The following SH2D1B variants were observed in gnomAD, a reference collection of about 807,000 sequenced individuals.
SH2D1B encodes SH2 domain containing 1B.
Under a neutral mutation model 16.3 loss-of-function variants are expected in SH2D1B, and 11 were observed. The observed-to-expected ratio is 0.67, with a 90% CI of 0.42 to 1.11. The LOEUF is 1.11. Ranked by LOEUF, SH2D1B falls within the 50% of genes most tolerant of loss-of-function variation. SH2D1B has a pLI of 0.00. For synonymous variants in SH2D1B, 55 were observed against 56.1 expected (o/e 0.98, Z 0.09); for missense variants, 123 against 153.1 (o/e 0.80, Z 1.04).
At position 162,399,012 on chromosome 1, in the gene SH2D1B, C is replaced by T. The variant is rs777560085; in HGVS notation, c.274G>A (p.Gly92Arg). Residue 92 changes from glycine (G) to arginine (R), a missense_variant, in exon 3 of 4, where the codon GGG (glycine) becomes AGG (arginine). Physicochemically the swap from Gly to Arg is moderately radical, Grantham distance 125 (BLOSUM62 -2). Transcript: ENST00000367929. Reference sequence around the variant, plus strand: ...GGCTTTAAAAGGTGAACCACCATCCCCTGATTTGGTTTTTCAAATTTGGAG... The same window carrying T: ...GGCTTTAAAAGGTGAACCACCATCCTCTGATTTGGTTTTTCAAATTTGGAG... ...LISKFEKPNQ[G>R]MVVHLLKPIK... 21 of 1,613,870 alleles carry T rather than the reference C, an allele frequency of 1.3e-5. No individual in the cohort carries two copies. The highest frequency in any genetic ancestry group is 1.8e-5 in the Non-Finnish European group (21 of 1,179,946).
chr1:162,409,243 C>T (rs1479157218), intron 1 of SH2D1B, among the ~76,000 whole-genome samples: 1 of 152,144 alleles, frequency 6.6e-6, no homozygotes, highest in South Asian at 2.1e-4. Flanking sequence ...ACTAGCTCTT[C>T]ACCGTCTCCC....
In SH2D1B at chr1:162,396,504, C is replaced by T. The variant is rs1648381260; in HGVS notation, c.*776G>A. Reference sequence around the variant, plus strand: ...AACCTAGTTGGGAACAGAAATCACACATAGAATATTTTAGAAATCTCCACA... The same window carrying T: ...AACCTAGTTGGGAACAGAAATCACATATAGAATATTTTAGAAATCTCCACA... On this transcript the variant is annotated 3_prime_UTR_variant, in exon 4 of 4. Transcript: ENST00000367929. 6.6e-6 allele frequency: 1 copy of T among 152,206 alleles called. No homozygotes were observed. Among genetic ancestry groups the T allele is most frequent in the East Asian group, 1.9e-4 (1 of 5,196 alleles). 9.4% of individuals were successfully genotyped at this position (152,206 alleles called of 1,614,324 possible).
chr1:162,397,915 T>TG (rs1409709711), intron 3 of SH2D1B, among the ~76,000 whole-genome samples: 1 of 149,966 alleles, frequency 6.7e-6, no homozygotes, highest in South Asian at 2.1e-4. Context: ...TCTATAAATT[T>TG]GGGGGGGAAA....
Position 162,397,086 on chromosome 1 carries a change from T to C in SH2D1B, c.*194A>G. The C allele has an allele frequency of 3.4e-6, 2 of 583,474 alleles. No individual in the cohort carries two copies. Among genetic ancestry groups the C allele is most frequent in the Non-Finnish European group, 6.1e-6 (2 of 325,968 alleles). The allele number at this position is 583,474 out of a possible 1,614,324, so 36.1% of individuals were successfully genotyped here. A position where few individuals can be genotyped will look rare whatever the true frequency, so the allele number is the denominator to read the frequency against. ...CTGGAGAGGGTTTTGAAATTGCTCC[T>C]GGTATATGTCTGGGAGGCGGGGATG... On this transcript the variant is annotated 3_prime_UTR_variant, in exon 4 of 4. Coordinates refer to ENST00000367929, the MANE Select transcript of SH2D1B (RefSeq NM_053282.5).
At chr1:162,400,142 A>G (rs962499317) in intron 2 of SH2D1B, among the ~76,000 whole-genome samples, 6 of 152,202 alleles carry the variant, frequency 3.9e-5, no homozygotes, top group African/African-American at 9.7e-5. Flanking sequence ...AAAATACACA[A>G]TTTGTATACT....
At chr1:162,402,030 C>T (rs1648528200) in intron 2 of SH2D1B, among the ~76,000 whole-genome samples, 1 of 152,216 alleles carries the variant, frequency 6.6e-6, no homozygotes, top group African/African-American at 2.4e-5. Context: ...ATGCTTCCCA[C>T]TATATTTTCG....
At chr1:162,403,502 AAAAAAAAAAATATATATATAT>A (rs1166528885) in intron 1 of SH2D1B, among the ~76,000 whole-genome samples, 5,260 of 44,256 alleles carry the variant, frequency 0.12, 265 homozygotes, top group Non-Finnish European at 0.18. Flanking sequence ...AAAAAAAAAA[AAAAAAAAAAATATATATATAT>A]ATATATATAT....
At chr1:162,403,889 A>T (rs1268827510) in intron 1 of SH2D1B, among the ~76,000 whole-genome samples, 2 of 152,126 alleles carry the variant, frequency 1.3e-5, no homozygotes, top group Non-Finnish European at 2.9e-5. Context: ...ATCTAAAAAA[A>T]GTTGATATCA....
intron 1 of SH2D1B, among the ~76,000 whole-genome samples, chr1:162,403,511 A>AAAT (rs1648579325): frequency 4.8e-5 from 2 of 42,040 alleles, no homozygotes; most frequent in African/African-American, 2.1e-4. Context: ...AAAAAAAAAA[A>AAAT]ATATATATAT....
At chr1:162,407,038 G>A (rs1648666716) in intron 1 of SH2D1B, among the ~76,000 whole-genome samples, 1 of 152,154 alleles carries the variant, frequency 6.6e-6, no homozygotes, top group South Asian at 2.1e-4. Flanking sequence ...TAGCTTTCTG[G>A]TTAGTGCCAT....
chr1:162,410,656 CTTTTTTT>C (rs66614229), intron 1 of SH2D1B, among the ~76,000 whole-genome samples: 8 of 129,980 alleles, frequency 6.2e-5, no homozygotes, highest in African/African-American at 2.0e-4. Context: ...TTTTCTTTTT[CTTTTTTT>C]TTTTTTTTTT....
intron 2 of SH2D1B, among the ~76,000 whole-genome samples, chr1:162,402,152 T>C (rs1053056228): frequency 1.3e-5 from 2 of 152,156 alleles, no homozygotes; most frequent in Non-Finnish European, 2.9e-5. Flanking sequence ...GAGGTTTTGC[T>C]TGGAGTCCAG....
At chr1:162,410,304 T>C (rs1648763123) in intron 1 of SH2D1B, among the ~76,000 whole-genome samples, 1 of 152,178 alleles carries the variant, frequency 6.6e-6, no homozygotes, top group Non-Finnish European at 1.5e-5. Flanking sequence ...TGGCCATAAA[T>C]TCCCACTTGT....
At chr1:162,410,320 C>T (rs1648763405) in intron 1 of SH2D1B, among the ~76,000 whole-genome samples, 1 of 152,202 alleles carries the variant, frequency 6.6e-6, no homozygotes, top group South Asian at 2.1e-4. Flanking sequence ...CTTGTCCATG[C>T]TGGATTCAGA....
In SH2D1B at chr1:162,396,805, G is replaced by A. The variant is rs959596765; in HGVS notation, c.*475C>T. 6.2e-6 allele frequency: 1 copy of A among 160,200 alleles called. No homozygotes were observed. The highest frequency in any genetic ancestry group is 1.4e-5 in the Non-Finnish European group (1 of 73,158). The allele number at this position is 160,200 out of a possible 1,614,324, so 9.9% of individuals were successfully genotyped here. Reference sequence around the variant, plus strand: ...GGCTCAACAGAGAGACTGGGGCAATGTTTATCATCCCACCCAACCACAGAG... The same window carrying A: ...GGCTCAACAGAGAGACTGGGGCAATATTTATCATCCCACCCAACCACAGAG... On this transcript the variant is annotated 3_prime_UTR_variant, in exon 4 of 4. Transcript: ENST00000367929.
At position 162,396,628 on chromosome 1, in the gene SH2D1B, A is replaced by C. The variant is rs996571035; in HGVS notation, c.*652T>G. 2 of 152,732 alleles carry C rather than the reference A, an allele frequency of 1.3e-5. No homozygotes were observed. Among genetic ancestry groups the C allele is most frequent in the Admixed American group, 1.3e-4 (2 of 15,300 alleles). The allele number at this position is 152,732 out of a possible 1,614,324, so 9.5% of individuals were successfully genotyped here. A position where few individuals can be genotyped will look rare whatever the true frequency, so the allele number is the denominator to read the frequency against. On this transcript the variant is annotated 3_prime_UTR_variant, in exon 4 of 4. Coordinates refer to ENST00000367929, the MANE Select transcript of SH2D1B (RefSeq NM_053282.5). ...AGAAAGTGTGGCTGGGGCAATGCTCACCAGGAAGTTTAAGATTAGAAAGAA... is the reference window on the plus strand; with the variant it reads ...AGAAAGTGTGGCTGGGGCAATGCTCCCCAGGAAGTTTAAGATTAGAAAGAA...
At chr1:162,409,034 A>G (rs568596518) in intron 1 of SH2D1B, among the ~76,000 whole-genome samples, 3 of 151,618 alleles carry the variant, frequency 2.0e-5, no homozygotes, top group Admixed American at 1.3e-4. Flanking sequence ...TCTTGAACCC[A>G]GAAGGTTGAG....
At chr1:162,403,521 T>A (rs1320423935) in intron 1 of SH2D1B, among the ~76,000 whole-genome samples, 1,304 of 32,114 alleles carry the variant, frequency 0.041, 13 homozygotes, top group Non-Finnish European at 0.058. Flanking sequence ...AATATATATA[T>A]ATATATATAT....
chr1:162,398,909 G>C lies in SH2D1B; in HGVS notation c.363+14C>G. The C allele has an allele frequency of 6.2e-7, 1 of 1,605,972 alleles. No individual in the cohort carries two copies. The highest frequency in any genetic ancestry group is 8.5e-7 in the Non-Finnish European group (1 of 1,174,162). On this transcript the variant is annotated intron_variant, in intron 3 of 3. Coordinates refer to ENST00000367929, the MANE Select transcript of SH2D1B (RefSeq NM_053282.5). ...ATTAAGATTGCTTTCTGACCCCCAC[G>C]TGAGAGATTTTACCACAAATGTTTC... is the stretch of plus-strand genomic sequence containing the variant.
Sources: gnomAD v4.1 joint callset for allele counts (sites outside exome capture counted in the v4.1 genomes callset) on GRCh38, gnomAD v4.1.1 for gene constraint, MANE v1.5 for transcripts, NCBI Gene and HGNC (gene_info 2026-07-23, HGNC 2026-07-21) for gene names.